Variants in WWOX observed in about 807,000 individuals in gnomAD.
WWOX encodes the protein WW domain containing oxidoreductase, also known as WW domain-containing oxidoreductase.
Under a neutral mutation model 46.2 loss-of-function variants are expected in WWOX, and 69 were observed. The ratio of observed to expected loss-of-function variants is 1.49; its 90% confidence interval spans 1.23 to 1.82. The LOEUF (loss-of-function observed/expected upper bound fraction) is 1.82. WWOX is among the 40% of genes most tolerant of loss of function. The pLI, the probability that WWOX is intolerant of heterozygous loss-of-function variation, is 0.00. For synonymous variants in WWOX, 359 were observed against 202.6 expected (o/e 1.77, Z -6.56); for missense variants, 919 against 542.6 (o/e 1.69, Z -6.89).
At chr16:78,586,402 G>C (rs1438138838) in intron 8 of WWOX, among the ~76,000 whole-genome samples, 1 of 152,114 alleles carries the variant, frequency 6.6e-6, no homozygotes, top group Non-Finnish European at 1.5e-5. Context: ...GGCAAAATGG[G>C]GAGGTAAGGC....
At position 78,825,865 on chromosome 16, in the gene WWOX, G is replaced by T. The variant is rs144883530; in HGVS notation, c.1057-385743G>T. On this transcript the variant is annotated intron_variant, in intron 8 of 8. Coordinates refer to ENST00000566780, the MANE Select transcript of WWOX (RefSeq NM_016373.4). ...TGCTGCCCTGGGACCCCGCTGGTAA[G>T]ACTGGCCCTAAGAAGCCTCTGCCTG... 2.6e-5 allele frequency: 17 copies of T among 656,188 alleles called. No homozygotes were observed. The East Asian group carries it at 3.8e-4, about 15-fold the overall frequency. The allele number at this position is 656,188 out of a possible 1,614,324, so 40.6% of individuals were successfully genotyped here.
chr16:78,395,896 G>C, intron 6 of WWOX, among the ~76,000 whole-genome samples: 1 of 152,050 alleles, frequency 6.6e-6, no homozygotes, highest in Admixed American at 6.5e-5. Flanking sequence ...ACATGACTAT[G>C]TCTGTTCCTC....
At chr16:78,906,958 C>G (rs60581926) in intron 8 of WWOX, among the ~76,000 whole-genome samples, 1 of 152,116 alleles carries the variant, frequency 6.6e-6, no homozygotes, top group South Asian at 2.1e-4. Context: ...GTGGTGATAA[C>G]GTAACCGCCC....
chr16:78,538,074 G>A (rs143422110), intron 8 of WWOX, among the ~76,000 whole-genome samples: 12 of 152,050 alleles, frequency 7.9e-5, no homozygotes, highest in South Asian at 2.1e-4. Flanking sequence ...TATTTTGAGC[G>A]GCACAGAAGG....
At chr16:79,100,935 G>T (rs569669077) in intron 8 of WWOX, among the ~76,000 whole-genome samples, 2 of 151,908 alleles carry the variant, frequency 1.3e-5, no homozygotes, top group South Asian at 4.1e-4. Context: ...TCTCCATAGG[G>T]GTTAGGCGTA....
At chr16:78,472,836 A>AGT (rs1421843878) in intron 8 of WWOX, among the ~76,000 whole-genome samples, 1 of 135,532 alleles carries the variant, frequency 7.4e-6, no homozygotes, top group South Asian at 2.3e-4. Flanking sequence ...AAAAAAAAAA[A>AGT]TTATGTCATT....
At chr16:79,175,687 A>T (rs1160237554) in intron 8 of WWOX, among the ~76,000 whole-genome samples, 4 of 152,204 alleles carry the variant, frequency 2.6e-5, no homozygotes, top group African/African-American at 9.6e-5. Flanking sequence ...CATTAGAGGC[A>T]GGCCTGTGTG....
chr16:79,151,957 TC>T (rs1246760967), intron 8 of WWOX, among the ~76,000 whole-genome samples: 7 of 152,180 alleles, frequency 4.6e-5, no homozygotes, highest in African/African-American at 1.7e-4. Flanking sequence ...GGGCTCTGAG[TC>T]TTTAAAAGGC....
At chr16:78,490,464 T>G (rs1409784421) in intron 8 of WWOX, among the ~76,000 whole-genome samples, 21 of 152,218 alleles carry the variant, frequency 1.4e-4, no homozygotes, top group Admixed American at 1.3e-3. Flanking sequence ...TGATCATTGT[T>G]GTAGTTCCCG....
intron 8 of WWOX, among the ~76,000 whole-genome samples, chr16:78,955,087 C>G (rs2046137983): frequency 2.0e-5 from 3 of 152,162 alleles, no homozygotes; most frequent in Admixed American, 6.5e-5. Flanking sequence ...GATCAGGAAA[C>G]TCCGCAGAGA....
chr16:78,976,411 G>C (rs763886642), intron 8 of WWOX, among the ~76,000 whole-genome samples: 22 of 152,222 alleles, frequency 1.4e-4, no homozygotes, highest in Non-Finnish European at 2.2e-4. Flanking sequence ...CAGATTCGGA[G>C]CATGTGATGT....
chr16:78,666,904 A>T (rs2142189750), intron 8 of WWOX, among the ~76,000 whole-genome samples: 1 of 152,340 alleles, frequency 6.6e-6, no homozygotes, highest in South Asian at 2.1e-4. Flanking sequence ...GTCAGAAGGC[A>T]GCTTCTCCCA....
intron 8 of WWOX, among the ~76,000 whole-genome samples, chr16:78,612,665 G>A (rs1489159769): frequency 1.3e-5 from 2 of 152,150 alleles, no homozygotes; most frequent in Non-Finnish European, 2.9e-5. Flanking sequence ...TGTAGAGACA[G>A]AGACTTGCTG....
At chr16:78,829,804 T>A (rs1313424212) in intron 8 of WWOX, among the ~76,000 whole-genome samples, 1 of 152,204 alleles carries the variant, frequency 6.6e-6, no homozygotes, top group African/African-American at 2.4e-5. Context: ...AAATTGGAAC[T>A]CCTAATTCCA....
chr16:79,185,830 G>T (rs545321775), intron 8 of WWOX, among the ~76,000 whole-genome samples: 48 of 152,214 alleles, frequency 3.2e-4, no homozygotes, highest in Non-Finnish European at 6.8e-4. Flanking sequence ...TGTGAGAAGG[G>T]ACTCATCTGT....
intron 8 of WWOX, among the ~76,000 whole-genome samples, chr16:79,080,652 C>T (rs867725938): frequency 3.3e-5 from 5 of 152,088 alleles, no homozygotes; most frequent in East Asian, 1.9e-4. Context: ...CATCTGTATC[C>T]GGCATCGGGG....
intron 5 of WWOX, among the ~76,000 whole-genome samples, chr16:78,315,473 A>C (rs1567495112): frequency 6.6e-6 from 1 of 151,908 alleles, no homozygotes; most frequent in African/African-American, 2.4e-5. Flanking sequence ...ACATGGTGAG[A>C]CCCCCATCTC....
chr16:78,821,699 CAGTT>C (rs569637066), intron 8 of WWOX, among the ~76,000 whole-genome samples: 17 of 152,290 alleles, frequency 1.1e-4, no homozygotes, highest in Admixed American at 3.9e-4. Flanking sequence ...TCAGGGAACT[CAGTT>C]GGTTGCTGAG....
intron 8 of WWOX, among the ~76,000 whole-genome samples, chr16:79,176,086 C>T (rs756272184): frequency 6.6e-6 from 1 of 152,130 alleles, no homozygotes; most frequent in African/African-American, 2.4e-5. Context: ...TTGAAGTGAC[C>T]CCTATATGGA....
Sources: allele counts gnomAD v4.1 joint callset (sites outside exome capture counted in the v4.1 genomes callset), GRCh38; gene constraint gnomAD v4.1.1; transcripts MANE v1.5; gene names NCBI Gene and HGNC (gene_info 2026-07-23, HGNC 2026-07-21).